SORBS2: variants seen among roughly 807,000 people sequenced by gnomAD.
SORBS2 encodes the protein sorbin and SH3 domain containing 2.
SORBS2 carries 46 observed loss-of-function variants against 97.7 expected under a neutral mutation model. The ratio of observed to expected loss-of-function variants is 0.47; its 90% CI spans 0.37 to 0.60. The LOEUF is 0.60. SORBS2 is among the 20% of genes least tolerant of loss of function. The pLI is 0.00. For synonymous variants in SORBS2, 476 were observed against 473.4 expected, an observed-to-expected ratio of 1.01 and a Z score of -0.07; for missense variants, 1,316 against 1,282.3, an observed-to-expected ratio of 1.03 and a Z score of -0.40.
intron 2 of SORBS2, among the ~76,000 whole-genome samples, chr4:185,651,216 C>A (rs1402750336): frequency 6.6e-6 from 1 of 152,188 alleles, no homozygotes; most frequent in Non-Finnish European, 1.5e-5. Flanking sequence ...CCTGCAGACC[C>A]CTGCACGAGA....
At chr4:185,744,335 C>A (rs904325716) in intron 2 of SORBS2, among the ~76,000 whole-genome samples, 1 of 152,060 alleles carries the variant, frequency 6.6e-6, no homozygotes, top group Non-Finnish European at 1.5e-5. Context: ...CAGGCTTTTC[C>A]AGGGTCCCCA....
At chr4:185,915,152 T>C (rs2099257404) in intron 1 of SORBS2, among the ~76,000 whole-genome samples, 1 of 152,240 alleles carries the variant, frequency 6.6e-6, no homozygotes, top group African/African-American at 2.4e-5. Context: ...TTTAAAACTT[T>C]TTTCGGCCTT....
chr4:185,693,988 T>A (rs2098134574), intron 2 of SORBS2, among the ~76,000 whole-genome samples: 1 of 152,238 alleles, frequency 6.6e-6, no homozygotes. Flanking sequence ...TGTCAAAATG[T>A]GAAATGACTA....
chr4:185,913,239 T>C (rs2099256301), intron 1 of SORBS2, among the ~76,000 whole-genome samples: 1 of 152,226 alleles, frequency 6.6e-6, no homozygotes, highest in Non-Finnish European at 1.5e-5. Context: ...ACAAGCATTA[T>C]ATAAAACAGA....
At chr4:185,710,552 A>G (rs2098410084) in intron 2 of SORBS2, among the ~76,000 whole-genome samples, 2 of 152,272 alleles carry the variant, frequency 1.3e-5, no homozygotes, top group South Asian at 4.2e-4. Flanking sequence ...TTTCTCCTAT[A>G]TTTACCACTC....
chr4:185,907,410 GA>G (rs2099251615), intron 1 of SORBS2, among the ~76,000 whole-genome samples: 1 of 152,170 alleles, frequency 6.6e-6, no homozygotes, highest in Admixed American at 6.5e-5. Flanking sequence ...CTATGAGGTA[GA>G]AAAAGCTCGG....
At chr4:185,591,434 G>T (rs946647621) in intron 13 of SORBS2, among the ~76,000 whole-genome samples, 1 of 152,172 alleles carries the variant, frequency 6.6e-6, no homozygotes, top group African/African-American at 2.4e-5. Flanking sequence ...AAAAAGACAG[G>T]CAGGTGTGGA....
intron 1 of SORBS2, among the ~76,000 whole-genome samples, chr4:185,912,499 C>T (rs567319985): frequency 1.4e-5 from 2 of 143,316 alleles, no homozygotes; most frequent in Non-Finnish European, 3.0e-5. Context: ...GCAGGAGAAT[C>T]GCTTGCACCC....
At chr4:185,867,035 G>A (rs2099227258) in intron 1 of SORBS2, among the ~76,000 whole-genome samples, 1 of 152,000 alleles carries the variant, frequency 6.6e-6, no homozygotes, top group Non-Finnish European at 1.5e-5. Context: ...ATTTTGAGAT[G>A]GAGTCTCACT....
At chr4:185,685,243 G>A (rs1013484821) in intron 2 of SORBS2, among the ~76,000 whole-genome samples, 1 of 152,140 alleles carries the variant, frequency 6.6e-6, no homozygotes, top group African/African-American at 2.4e-5. Context: ...CAGGATTAAA[G>A]GCTATGGTAC....
intron 2 of SORBS2, among the ~76,000 whole-genome samples, chr4:185,692,291 G>T (rs145094494): frequency 6.6e-6 from 1 of 152,166 alleles, no homozygotes; most frequent in Non-Finnish European, 1.5e-5. Flanking sequence ...GCTTCCAGGC[G>T]CATCAGTACT....
At chr4:185,693,828 T>C (rs1393301309) in intron 2 of SORBS2, among the ~76,000 whole-genome samples, 1 of 152,240 alleles carries the variant, frequency 6.6e-6, no homozygotes, top group Non-Finnish European at 1.5e-5. Context: ...TGCCGATATT[T>C]ACAGAATATC....
intron 9 of SORBS2, among the ~76,000 whole-genome samples, chr4:185,615,816 T>C (rs2096618057): frequency 6.6e-6 from 1 of 152,224 alleles, no homozygotes; most frequent in African/African-American, 2.4e-5. Flanking sequence ...CTTTCTATCT[T>C]TTATTTACAA....
chr4:185,924,631 A>G (rs1185460284), intron 1 of SORBS2, among the ~76,000 whole-genome samples: 1 of 152,206 alleles, frequency 6.6e-6, no homozygotes, highest in Non-Finnish European at 1.5e-5. Flanking sequence ...GCATATTAAA[A>G]GACTAGGGTG....
At chr4:185,604,871 G>A (rs909721859) in intron 12 of SORBS2, among the ~76,000 whole-genome samples, 1 of 151,760 alleles carries the variant, frequency 6.6e-6, no homozygotes, top group Admixed American at 6.6e-5. Context: ...TGCGTGTAAA[G>A]TAGGTTGCCA....
intron 1 of SORBS2, among the ~76,000 whole-genome samples, chr4:185,931,812 G>GACAGACACAC (rs112366680): frequency 6.6e-6 from 1 of 150,790 alleles, no homozygotes; most frequent in Admixed American, 6.6e-5. Context: ...GAGACAGACA[G>GACAGACACAC]ACACACACAC....
chr4:185,729,707 T>C (rs1431542886), intron 2 of SORBS2, among the ~76,000 whole-genome samples: 1 of 152,238 alleles, frequency 6.6e-6, no homozygotes, highest in Non-Finnish European at 1.5e-5. Flanking sequence ...ATGACTCAGA[T>C]TCCAGATGGT....
intron 4 of SORBS2, 110 bp downstream of exon 15, chr4:185,637,969 G>C (rs960495666): frequency 4.1e-6 from 3 of 728,082 alleles, no homozygotes; most frequent in Non-Finnish European, 5.0e-6. Flanking sequence ...TATACATTAT[G>C]CATTCGGCCT....
At chr4:185,923,052 G>T (rs2099261680) in intron 1 of SORBS2, among the ~76,000 whole-genome samples, 1 of 152,168 alleles carries the variant, frequency 6.6e-6, no homozygotes, top group South Asian at 2.1e-4. Flanking sequence ...CTGTAGAATG[G>T]GAAGAATACT....
Sources: allele counts gnomAD v4.1 joint callset (sites outside exome capture counted in the v4.1 genomes callset), GRCh38; gene constraint gnomAD v4.1.1; transcripts MANE v1.5; gene names NCBI Gene and HGNC (gene_info 2026-07-23, HGNC 2026-07-21).